The following CRLF1 variants were observed in gnomAD, a reference collection of about 807,000 sequenced individuals.
The protein encoded by CRLF1 is cytokine receptor like factor 1, also known as cytokine receptor-like factor 1.
CRLF1 carries 36 observed loss-of-function variants against 48.9 expected under a neutral mutation model. That is an observed-to-expected ratio of 0.74 (90% CI 0.56 to 0.97). The LOEUF is 0.97. Among genes scored for constraint, CRLF1 ranks in the 50% least tolerant of loss-of-function variants. CRLF1 has a pLI of 0.00. For missense variants in CRLF1, 534 were observed against 575.1 expected (o/e 0.93, Z 0.73); for synonymous variants, 256 against 253.4 (o/e 1.01, Z -0.10).
At chr19:18,593,795 C>T (rs1976088762) in intron 8 of CRLF1, 6 of 985,490 alleles carry the variant, frequency 6.1e-6, no homozygotes, top group Non-Finnish European at 7.2e-6. Flanking sequence ...CCCATGCGTG[C>T]TAACTAGGGT....
intron 2 of CRLF1, 97 bp from the exon 3 acceptor site, chr19:18,598,998 G>C: frequency 5.1e-6 from 8 of 1,568,794 alleles, no homozygotes; most frequent in Non-Finnish European, 6.9e-6. Flanking sequence ...CCCCACCTTG[G>C]AGTGGAAGGA....
chr19:18,596,875 G>C lies in CRLF1; in HGVS notation c.855+17C>G. On this transcript the variant is annotated intron_variant, in intron 5 of 8. Transcript: ENST00000392386. The stretch of plus-strand genomic sequence containing the variant: ...CCTGGAAGGAACAGGGGCGGAGTCA[G>C]GGAAGGGGAGGGTCACCTTCCAGTC... The C allele has an allele frequency of 1.2e-6, 2 of 1,613,984 alleles. No homozygotes were observed. Among genetic ancestry groups the C allele is most frequent in the Non-Finnish European group, 1.7e-6 (2 of 1,179,972 alleles).
chr19:18,597,138 G>A (rs769138565), intron 4 of CRLF1, 89 bp from the exon 5 acceptor site: 1 of 1,418,060 alleles, frequency 7.1e-7, no homozygotes, highest in Non-Finnish European at 9.6e-7. Context: ...TGGCCTAGAT[G>A]GAACCTGCCT....
At position 18,593,371 on chromosome 19, in the gene CRLF1, A is replaced by T; in HGVS notation, c.*195T>A. The T allele has an allele frequency of 2.9e-6, 2 of 692,570 alleles. No homozygotes were observed. The allele number at this position is 692,570 out of a possible 1,614,324, so 42.9% of individuals were successfully genotyped here. A position where few individuals can be genotyped will look rare whatever the true frequency, so the allele number is the denominator to read the frequency against. On this transcript the variant is annotated 3_prime_UTR_variant, in exon 9 of 9. Transcript: ENST00000392386. ...TCAACCAACCCTCACACACACACACACACCCACTGGGGTGCACCCAAAGGT... is the reference window on the plus strand; with the variant it reads ...TCAACCAACCCTCACACACACACACTCACCCACTGGGGTGCACCCAAAGGT...
At position 18,598,313 on chromosome 19, in the gene CRLF1, G is replaced by A. The variant is rs75327210; in HGVS notation, c.697+119C>T. ...CAGCAGGGACAACCCGGGAGTTGCC[G>A]GGCTGGGGAGGGGCAGGTGGGACCC... On this transcript the variant is annotated intron_variant, in intron 4 of 8. Coordinates refer to ENST00000392386, the MANE Select transcript of CRLF1 (RefSeq NM_004750.5). 3.2e-3 allele frequency: 3,620 copies of A among 1,126,616 alleles called. 115 individuals are homozygous for A. The East Asian group carries it at 0.075, about 23-fold the overall frequency. 69.8% of individuals were successfully genotyped at this position (1,126,616 alleles called of 1,614,324 possible).
intron 6 of CRLF1, 46 bp from the exon 7 acceptor site, chr19:18,594,480 G>A: frequency 7.7e-7 from 1 of 1,290,560 alleles, no homozygotes; most frequent in South Asian, 2.4e-5. Context: ...CCGGCAGGGG[G>A]TGCGCGCGGG....
chr19:18,603,780 C>A (rs1244887121), intron 1 of CRLF1, among the ~76,000 whole-genome samples: 1 of 152,126 alleles, frequency 6.6e-6, no homozygotes. Flanking sequence ...CTCGCTGGAG[C>A]CTGGAATCGC....
chr19:18,593,358 C>T lies in CRLF1; in HGVS notation c.*208G>A, dbSNP rs995664948. The stretch of plus-strand genomic sequence containing the variant: ...GGTTCTAGGCAACTCAACCAACCCT[C>T]ACACACACACACACACCCACTGGGG... On this transcript the variant is annotated 3_prime_UTR_variant, in exon 9 of 9. Transcript: ENST00000392386. 1 of 472,838 alleles carries T rather than the reference C, an allele frequency of 2.1e-6. No individual in the cohort carries two copies. The highest frequency in any genetic ancestry group is 2.0e-5 in the African/African-American group (1 of 50,000). 29.3% of individuals were successfully genotyped at this position (472,838 alleles called of 1,614,324 possible).
Position 18,593,495 on chromosome 19 carries a change from G to A in CRLF1, c.*71C>T. On this transcript the variant is annotated 3_prime_UTR_variant, in exon 9 of 9. Coordinates refer to ENST00000392386, the MANE Select transcript of CRLF1 (RefSeq NM_004750.5). The stretch of plus-strand genomic sequence containing the variant: ...TCAGGTGCCCTGAAGTGAGGGTACA[G>A]AGGTGGCCCCAGTTTGGGTTCGGCC... The A allele has an allele frequency of 5.6e-6, 9 of 1,596,640 alleles. No individual in the cohort carries two copies. Among genetic ancestry groups the A allele is most frequent in the Non-Finnish European group, 7.7e-6 (9 of 1,171,562 alleles).
At chr19:18,596,165 C>A (rs1976129069) in intron 6 of CRLF1, among the ~76,000 whole-genome samples, 1 of 152,040 alleles carries the variant, frequency 6.6e-6, no homozygotes, top group Non-Finnish European at 1.5e-5. Context: ...TTCCAAACAA[C>A]AGGCCAAAGA....
At chr19:18,597,355 G>A (rs1976153179) in intron 4 of CRLF1, among the ~76,000 whole-genome samples, 1 of 151,906 alleles carries the variant, frequency 6.6e-6, no homozygotes, top group Non-Finnish European at 1.5e-5. Context: ...ATGCTTAGGA[G>A]GCCAGGGGCT....
At position 18,604,355 on chromosome 19, in the gene CRLF1, T is replaced by C. The variant is rs192536535; in HGVS notation, c.115+2187A>G. Among the ~76,000 whole-genome samples the C allele has an allele frequency of 9.4e-4, 143 of 152,226 alleles. 1 individual carries two copies. Among genetic ancestry groups the C allele is most frequent in the African/African-American group, 3.3e-3 (137 of 41,546 alleles). ...CTCCCACCCCCTTAGCCCCAGCCGG[T>C]AAGGTCAGAAGGACACTTTCTCCTC... On this transcript the variant is annotated intron_variant, in intron 1 of 8. Transcript: ENST00000392386.
intron 1 of CRLF1, among the ~76,000 whole-genome samples, chr19:18,605,450 G>C (rs1976279042): frequency 6.6e-6 from 1 of 152,252 alleles, no homozygotes; most frequent in Non-Finnish European, 1.5e-5. Context: ...CGTGCGCCTG[G>C]ATGGGGTGCG....
chr19:18,595,318 C>T (rs1976118193), intron 6 of CRLF1, among the ~76,000 whole-genome samples: 1 of 152,222 alleles, frequency 6.6e-6, no homozygotes, highest in Non-Finnish European at 1.5e-5. Flanking sequence ...TCAGGCCCCT[C>T]CCGGCTGCGC....
At position 18,601,979 on chromosome 19, in the gene CRLF1, T is replaced by C. The variant is rs547952607; in HGVS notation, c.116-2133A>G. Among the ~76,000 whole-genome samples the C allele has an allele frequency of 1.1e-4, 17 of 152,320 alleles. No homozygotes were observed. In the South Asian group the frequency reaches 2.1e-3, roughly 19 times the overall value. On this transcript the variant is annotated intron_variant, in intron 1 of 8. Transcript: ENST00000392386. Reference sequence around the variant, plus strand: ...ATCCAAAGGGACTTGACATCATCGCTGTTTCCCTCCACTCAGTTTTCCTCA... The same window carrying C: ...ATCCAAAGGGACTTGACATCATCGCCGTTTCCCTCCACTCAGTTTTCCTCA...
chr19:18,594,726 G>A (rs1363973493), intron 6 of CRLF1, among the ~76,000 whole-genome samples: 2 of 151,924 alleles, frequency 1.3e-5, no homozygotes, highest in African/African-American at 2.4e-5. Flanking sequence ...AGTGGGGGGA[G>A]GGGAGAATGA....
Position 18,599,009 on chromosome 19 carries a change from G to A in CRLF1, c.398-108C>T, listed in dbSNP as rs191261905. The A allele has an allele frequency of 1.5e-3, 2,277 of 1,560,978 alleles. 30 individuals carry two copies. In the Admixed American group the frequency reaches 0.026, roughly 18 times the overall value. ...AGGCCCCCACCTTGGAGTGGAAGGAGGGCAGACAGGACAGTCTCAGCCCTG... is the reference window on the plus strand; with the variant it reads ...AGGCCCCCACCTTGGAGTGGAAGGAAGGCAGACAGGACAGTCTCAGCCCTG... On this transcript the variant is annotated intron_variant, in intron 2 of 8. Transcript: ENST00000392386.
intron 1 of CRLF1, among the ~76,000 whole-genome samples, chr19:18,603,831 C>G (rs1452605769): frequency 6.7e-6 from 1 of 150,244 alleles, no homozygotes; most frequent in Admixed American, 6.6e-5. Flanking sequence ...CCGGAGGTCT[C>G]CGCGTCCGTG....
In CRLF1 at chr19:18,593,371, A is replaced by C. The variant is rs931893882; in HGVS notation, c.*195T>G. The C allele has an allele frequency of 1.3e-5, 9 of 692,452 alleles. No homozygotes were observed. Among genetic ancestry groups the C allele is most frequent in the South Asian group, 1.9e-5 (1 of 53,050 alleles). 42.9% of individuals were successfully genotyped at this position (692,452 alleles called of 1,614,324 possible). A position where few individuals can be genotyped will look rare whatever the true frequency, so the allele number is the denominator to read the frequency against. On this transcript the variant is annotated 3_prime_UTR_variant, in exon 9 of 9. Transcript: ENST00000392386. ...TCAACCAACCCTCACACACACACAC[A>C]CACCCACTGGGGTGCACCCAAAGGT...
Sources: allele counts gnomAD v4.1 joint callset (sites outside exome capture counted in the v4.1 genomes callset), GRCh38; gene constraint gnomAD v4.1.1; transcripts MANE v1.5; gene names NCBI Gene and HGNC (gene_info 2026-07-23, HGNC 2026-07-21).